TUSC3: variants seen among roughly 807,000 people sequenced by gnomAD.
TUSC3 encodes the protein dolichyl-diphosphooligosaccharide--protein glycosyltransferase subunit TUSC3.
Under a neutral mutation model 44.8 loss-of-function variants are expected in TUSC3, and 45 were observed. The ratio of observed to expected loss-of-function variants is 1.00; its 90% confidence interval spans 0.79 to 1.29. The LOEUF is 1.29. Ranked by LOEUF, TUSC3 falls within the 50% of genes most tolerant of loss-of-function variation. The pLI is 0.00. For missense variants in TUSC3, 519 were observed against 437.9 expected, an observed-to-expected ratio of 1.19 and a Z score of -1.65; for synonymous variants, 212 against 152.9, an observed-to-expected ratio of 1.39 and a Z score of -2.85.
chr8:15,459,856 ATGTGTGTGTGTGTGTGTG>A (rs556167735), intron 1 of TUSC3, among the ~76,000 whole-genome samples: 2 of 139,444 alleles, frequency 1.4e-5, no homozygotes, highest in African/African-American at 5.3e-5. Context: ...GTGTGTGTGT[ATGTGTGTGTGTGTGTGTG>A]TATACATACA....
chr8:15,739,056 C>T (rs1585286969), intron 7 of TUSC3, among the ~76,000 whole-genome samples: 1 of 151,778 alleles, frequency 6.6e-6, no homozygotes, highest in Non-Finnish European at 1.5e-5. Flanking sequence ...TGGTCTTGAA[C>T]TCCTGACCTT....
intron 9 of TUSC3, among the ~76,000 whole-genome samples, chr8:15,752,206 T>TAGACAAAGGAGAGAG (rs1811736613): frequency 6.6e-6 from 1 of 151,986 alleles, no homozygotes; most frequent in Admixed American, 6.6e-5. Context: ...ACACAGCATT[T>TAGACAAAGGAGAGAG]AGACAAAGGA....
At position 15,764,190 on chromosome 8, in the gene TUSC3, CTT is replaced by C. The variant is rs1470683266; in HGVS notation, c.*47-11_*47-10del. On this transcript the variant is annotated splice_polypyrimidine_tract_variant and intron_variant, in intron 10 of 10. Transcript: ENST00000503731. ...TCTATGTTCAGCACATAATAATTTT[CTT>C]TCTTTTTCAGCTTTTTAATTAAATG... 1.2e-6 allele frequency: 2 copies of C among 1,600,914 alleles called. No homozygotes were observed. The highest frequency in any genetic ancestry group is 1.7e-6 in the Non-Finnish European group (2 of 1,169,682).
chr8:15,792,192 A>C, the TUSC3 span, among the ~76,000 whole-genome samples: 1 of 152,140 alleles, frequency 6.6e-6, no homozygotes, highest in Non-Finnish European at 1.5e-5. Context: ...AATATTATTG[A>C]ACATCAAATA....
Position 15,748,382 on chromosome 8 carries a change from C to T in TUSC3, c.945C>T (p.Cys315=), listed in dbSNP as rs1001945795. The T allele has an allele frequency of 6.2e-7, 1 of 1,612,810 alleles. No homozygotes were observed. The highest frequency in any genetic ancestry group is 8.5e-7 in the Non-Finnish European group (1 of 1,179,034). ...TTTTCTGTCTGTTTCTAGTAATTTGCCTAGTGGGATTGGGCCTGGTGGTCT... is the reference window on the plus strand; with the variant it reads ...TTTTCTGTCTGTTTCTAGTAATTTGTCTAGTGGGATTGGGCCTGGTGGTCT... ...KGDVGKRRII[C]LVGLGLVVFF... is the part of the protein sequence containing the mutation. The change falls in exon 9 of 11, where the codon TGC becomes TGT. Residue 315 remains cysteine, a synonymous_variant. Transcript: ENST00000503731.
chr8:15,664,617 C>T (rs1389701313), intron 5 of TUSC3, among the ~76,000 whole-genome samples: 2 of 149,500 alleles, frequency 1.3e-5, no homozygotes, highest in Non-Finnish European at 3.0e-5. Context: ...AGAGAACAGA[C>T]ATGTTTTCAA....
At chr8:15,663,843 G>C (rs774789299) in intron 5 of TUSC3, among the ~76,000 whole-genome samples, 3 of 151,752 alleles carry the variant, frequency 2.0e-5, no homozygotes, top group Non-Finnish European at 2.9e-5. Context: ...AAGCTACCCA[G>C]GTTTCCTGGT....
chr8:15,796,128 G>C, the TUSC3 span, among the ~76,000 whole-genome samples: 1 of 152,072 alleles, frequency 6.6e-6, no homozygotes, highest in East Asian at 1.9e-4. Flanking sequence ...GAAATACAGG[G>C]TCCTTTCCTT....
intron 9 of TUSC3, among the ~76,000 whole-genome samples, chr8:15,754,691 T>G (rs1480640631): frequency 6.6e-6 from 1 of 152,178 alleles, no homozygotes. Flanking sequence ...TGTCTTCGTT[T>G]TGCATTTTTG....
intron 1 of TUSC3, among the ~76,000 whole-genome samples, chr8:15,476,970 C>G (rs551126761): frequency 1.5e-4 from 23 of 152,304 alleles, no homozygotes; most frequent in Admixed American, 1.3e-4. Context: ...CAAAGTTACA[C>G]TTCTATGCAC....
rs1158864721 is a variant in TUSC3 at position 15,504,578 on chromosome 8, GATATATATATATAT to G, written n.189+21126_189+21139del. Among the ~76,000 whole-genome samples the G allele has an allele frequency of 7.4e-3, 246 of 33,426 alleles. 2 individuals carry two copies. The highest frequency in any genetic ancestry group is 0.017 in the African/African-American group (176 of 10,338). The allele number at this position is 33,426 out of a possible 152,430, so 21.9% of individuals were successfully genotyped here. On this transcript the variant is annotated intron_variant and non_coding_transcript_variant, in intron 2 of 5. Transcript: ENST00000503191. ...TAATCCTATTAAAGGCAACTTTCAGGATATATATATATATATATATATATATATATATATATATA... is the reference window on the plus strand; with the variant it reads ...TAATCCTATTAAAGGCAACTTTCAGGATATATATATATATATATATATATA...
chr8:15,833,224 G>C, the TUSC3 span, among the ~76,000 whole-genome samples: 1 of 152,118 alleles, frequency 6.6e-6, no homozygotes, highest in African/African-American at 2.4e-5. Context: ...TGCTGGCAAG[G>C]TTGCGGAGAA....
At chr8:15,510,781 A>AG (rs1349327225) in intron 2 of TUSC3, among the ~76,000 whole-genome samples, 1 of 151,958 alleles carries the variant, frequency 6.6e-6, no homozygotes, top group Non-Finnish European at 1.5e-5. Flanking sequence ...TTTAAAAAAA[A>AG]ACAGAAAGAC....
chr8:15,593,492 A>G (rs963594032), intron 1 of TUSC3, among the ~76,000 whole-genome samples: 1 of 152,158 alleles, frequency 6.6e-6, no homozygotes, highest in Non-Finnish European at 1.5e-5. Context: ...GAGATATCCA[A>G]GTGAGCCATT....
chr8:15,446,664 C>T (rs946355545), intron 1 of TUSC3, among the ~76,000 whole-genome samples: 3 of 141,882 alleles, frequency 2.1e-5, no homozygotes, highest in Admixed American at 7.6e-5. Flanking sequence ...TGCAGTGAGC[C>T]GAGATGGTGG....
intron 6 of TUSC3, among the ~76,000 whole-genome samples, chr8:15,729,013 A>C (rs569310008): frequency 6.6e-6 from 1 of 152,280 alleles, no homozygotes; most frequent in Non-Finnish European, 1.5e-5. Flanking sequence ...GAGTCCATTG[A>C]TGACCTTGAC....
chr8:15,443,992 C>G (rs1800058310), intron 1 of TUSC3, among the ~76,000 whole-genome samples: 1 of 152,188 alleles, frequency 6.6e-6, no homozygotes, highest in Non-Finnish European at 1.5e-5. Context: ...CTTAAAAACT[C>G]TGACCCCTGA....
At chr8:15,469,130 A>G (rs1800452146) in intron 1 of TUSC3, among the ~76,000 whole-genome samples, 1 of 152,228 alleles carries the variant, frequency 6.6e-6, no homozygotes, top group South Asian at 2.1e-4. Flanking sequence ...TTGAACCACC[A>G]AAGCATGATT....
chr8:15,453,376 G>A (rs544099860), intron 1 of TUSC3, among the ~76,000 whole-genome samples: 1 of 152,196 alleles, frequency 6.6e-6, no homozygotes, highest in East Asian at 1.9e-4. Context: ...AGATGGCATT[G>A]CCTGCTTACT....
Sources: gnomAD v4.1 joint callset for allele counts (sites outside exome capture counted in the v4.1 genomes callset) on GRCh38, gnomAD v4.1.1 for gene constraint, MANE v1.5 for transcripts, NCBI Gene and HGNC (gene_info 2026-07-23, HGNC 2026-07-21) for gene names.